HIP1R: variants seen among roughly 807,000 people sequenced by gnomAD.
HIP1R encodes huntingtin-interacting protein 1-related protein.
Under a neutral mutation model 144.2 loss-of-function variants are expected in HIP1R, and 135 were observed. The ratio of observed to expected loss-of-function variants is 0.94; its 90% CI spans 0.81 to 1.08. The LOEUF (loss-of-function observed/expected upper bound fraction) is 1.08. Among genes scored for constraint, HIP1R ranks in the 50% least tolerant of loss-of-function variants. The probability of loss-of-function intolerance (pLI) is 0.00; values close to 1 mark genes in which losing one functional copy is unlikely to be tolerated. For missense variants in HIP1R, 1,462 were observed against 1,432.8 expected, an observed-to-expected ratio of 1.02 and a Z score of -0.33; for synonymous variants, 698 against 612.8, an observed-to-expected ratio of 1.14 and a Z score of -2.05.
intron 7 of HIP1R, 61 bp downstream of exon 7, chr12:122,851,358 C>A: frequency 1.5e-6 from 2 of 1,373,284 alleles, no homozygotes; most frequent in Non-Finnish European, 9.7e-7. Context: ...AGAGATGGGA[C>A]GAGAAGAAAA....
Position 122,835,480 on chromosome 12 carries a change from C to T in HIP1R, c.-71C>T. 3.3e-6 allele frequency: 4 copies of T among 1,207,028 alleles called. No homozygotes were observed. The highest frequency in any genetic ancestry group is 3.1e-6 in the Non-Finnish European group (3 of 968,546). The allele number at this position is 1,207,028 out of a possible 1,614,324, so 74.8% of individuals were successfully genotyped here. On this transcript the variant is annotated 5_prime_UTR_variant, in exon 1 of 32. Transcript: ENST00000253083. ...GCGCGGTGGCCTCGCGGTGCCTAGG[C>T]TGGGGCTGCCGGACCGTGAGGCTGT...
At position 122,856,694 on chromosome 12, in the gene HIP1R, C is replaced by A; in HGVS notation, c.1588C>A (p.Arg530Ser). Residue 530 changes from arginine (R) to serine (S), a missense_variant, in exon 17 of 32, where the codon CGC (arginine) becomes AGC (serine). Coordinates refer to ENST00000253083, the MANE Select transcript of HIP1R (RefSeq NM_003959.3). ...GGAGGCCAAGGCCGGAGAGCTGGCC[C>A]GCGCGCAGGAGGCCCTGAGCCACAC... Reference protein sequence around the residue: ...ELEAKAGELARAQEALSHTEQ... With the variant: ...ELEAKAGELASAQEALSHTEQ... The A allele has an allele frequency of 1.9e-6, 3 of 1,591,420 alleles. No individual in the cohort carries two copies.
chr12:122,855,807 G>GT lies in HIP1R; in HGVS notation c.1056-24_1056-23insT, dbSNP rs542786377. 613 of 1,551,952 alleles carry GT rather than the reference G, an allele frequency of 3.9e-4. 4 individuals are homozygous for GT. The African/African-American group carries it at 7.8e-3, about 20-fold the overall frequency. On this transcript the variant is annotated intron_variant, in intron 12 of 31. Coordinates refer to ENST00000253083, the MANE Select transcript of HIP1R (RefSeq NM_003959.3). ...TTGACTGTTCTGGTTGACTTAACTT[G>GT]AACCCCAGGACCTCTGTCCCCAGGG...
At chr12:122,835,081 T>A, upstream of HIP1R, 15 of 993,350 alleles carry the variant, frequency 1.5e-5, no homozygotes, top group Non-Finnish European at 2.1e-5. Flanking sequence ...AGGGAGGGGT[T>A]CCCCCTCCCC....
rs778993669 is a variant in HIP1R at position 122,835,601 on chromosome 12, C to CCA, written c.54_55dup (p.Ser19ThrfsTer29). The CCA allele has an allele frequency of 6.0e-6, 8 of 1,337,654 alleles. No homozygotes were observed. The South Asian group carries it at 1.0e-4, about 17-fold the overall frequency. The allele number at this position is 1,337,654 out of a possible 1,614,324, so 82.9% of individuals were successfully genotyped here. ...CGCGGGTGCTGAGCCGCAGGCCGGG[C>CCA]CACAGCCTGGAGGCCGAGCGCGAGC... On this transcript the variant is annotated frameshift_variant, in exon 1 of 32. Transcript: ENST00000253083. LOFTEE classifies it high-confidence loss of function.
At chr12:122,845,767 G>A (rs1016552204) in intron 1 of HIP1R, among the ~76,000 whole-genome samples, 3 of 152,244 alleles carry the variant, frequency 2.0e-5, no homozygotes, top group African/African-American at 7.2e-5. Flanking sequence ...GCTGCAGGAG[G>A]GTGTGAGGGT....
chr12:122,838,611 AAGAG>A (rs1192162722), intron 1 of HIP1R, among the ~76,000 whole-genome samples: 3 of 152,200 alleles, frequency 2.0e-5, no homozygotes, highest in Non-Finnish European at 4.4e-5. Flanking sequence ...TGTAAGGTGT[AAGAG>A]AGAGACCGTG....
chr12:122,859,531 A>G lies in HIP1R; in HGVS notation c.2401A>G (p.Ile801Val). Residue 801 changes from isoleucine to valine, a missense_variant, in exon 23 of 32, where the codon ATT (isoleucine) becomes GTT (valine). Physicochemically the swap from Ile to Val is conservative, Grantham distance 29 (BLOSUM62 3). Coordinates refer to ENST00000253083, the MANE Select transcript of HIP1R (RefSeq NM_003959.3). Reference sequence around the variant, plus strand: ...AGCCATTGAAGATGCTGTGCGGAGGATTGAGGTGAGCACGGGATCTGGGGA... The same window carrying G: ...AGCCATTGAAGATGCTGTGCGGAGGGTTGAGGTGAGCACGGGATCTGGGGA... ...SAAIEDAVRRIEDMMNQARHA... is the reference protein window; with the variant it reads ...SAAIEDAVRRVEDMMNQARHA... The G allele has an allele frequency of 6.2e-7, 1 of 1,611,074 alleles. No individual in the cohort carries two copies. Among genetic ancestry groups the G allele is most frequent in the Non-Finnish European group, 8.5e-7 (1 of 1,177,874 alleles).
intron 24 of HIP1R, 37 bp downstream of exon 24, chr12:122,859,867 G>C: frequency 6.3e-7 from 1 of 1,595,316 alleles, no homozygotes; most frequent in South Asian, 1.1e-5. Context: ...CCCAGCCGAG[G>C]TGGGCTCCCC....
chr12:122,858,375 G>T lies in HIP1R; in HGVS notation c.1990G>T (p.Ala664Ser). The change falls in exon 20 of 32, where the codon GCC (alanine) becomes TCC (serine). Residue 664 changes from alanine to serine, a missense_variant. Coordinates refer to ENST00000253083, the MANE Select transcript of HIP1R (RefSeq NM_003959.3). ...PDYLVSRAQE[A>S]LDAVSTLEEG... ...CTACCTGGTGAGCAGGGCCCAGGAG[G>T]CCTTGGATGCCGTGAGCACCCTGGA... 4.3e-6 allele frequency: 7 copies of T among 1,610,676 alleles called. No homozygotes were observed. The highest frequency in any genetic ancestry group is 5.9e-6 in the Non-Finnish European group (7 of 1,178,352).
In HIP1R at chr12:122,854,175, TAC is replaced by T; in HGVS notation, c.713_714del (p.His238LeufsTer50). The T allele has an allele frequency of 6.2e-7, 1 of 1,613,614 alleles. No homozygotes were observed. Among genetic ancestry groups the T allele is most frequent in the Non-Finnish European group, 8.5e-7 (1 of 1,179,828 alleles). The stretch of plus-strand genomic sequence containing the variant: ...TACACGGTCAAGCTCCTGTTCAAGC[TAC>T]ACTCTTGTGAGTGGCCCAGGGCAAC... On this transcript the variant is annotated frameshift_variant, in exon 8 of 32. Coordinates refer to ENST00000253083, the MANE Select transcript of HIP1R (RefSeq NM_003959.3). LOFTEE classifies it high-confidence loss of function.
chr12:122,854,375 G>C (rs1445686431), intron 8 of HIP1R, among the ~76,000 whole-genome samples, 192 bp downstream of exon 8: 1 of 145,048 alleles, frequency 6.9e-6, no homozygotes, highest in East Asian at 2.0e-4. Flanking sequence ...ACTTTACCAA[G>C]CAAAAAACTT....
rs1477307574 is a variant in HIP1R, at chr12:122,862,847, T to C, written c.*1094T>C. On this transcript the variant is annotated 3_prime_UTR_variant, in exon 32 of 32. Transcript: ENST00000253083. ...GTGCTCTGGAAAGGCTACCAAATAC[T>C]GGCCAAGGTCAGGAGGAGCAAAAAT... is the stretch of plus-strand genomic sequence containing the variant. 1 of 152,098 alleles carries C rather than the reference T, an allele frequency of 6.6e-6. No individual in the cohort carries two copies. The highest frequency in any genetic ancestry group is 1.5e-5 in the Non-Finnish European group (1 of 68,000). 9.4% of individuals were successfully genotyped at this position (152,098 alleles called of 1,614,324 possible). A position where few individuals can be genotyped will look rare whatever the true frequency, so the allele number is the denominator to read the frequency against.
Position 122,858,427 on chromosome 12 carries a change from C to T in HIP1R, c.2042C>T (p.Ser681Phe), listed in dbSNP as rs758730901. Reference protein sequence around the residue: ...LEEGHAQYLTSLADASALVAA... With the variant: ...LEEGHAQYLTFLADASALVAA... Reference sequence around the variant, plus strand: ...GAGGGCCACGCCCAGTACCTGACCTCCTTGGCAGGTGAGTGTAGCCAGGGC... The same window carrying T: ...GAGGGCCACGCCCAGTACCTGACCTTCTTGGCAGGTGAGTGTAGCCAGGGC... The change falls in exon 20 of 32, where the codon TCC (serine) becomes TTC (phenylalanine). Residue 681 changes from serine to phenylalanine, a missense_variant. This residue lies in a region of HIP1R where 1,112 missense variants were observed against 1,011.7 expected (regional missense o/e 1.10). Coordinates refer to ENST00000253083, the MANE Select transcript of HIP1R (RefSeq NM_003959.3). The T allele has an allele frequency of 6.2e-7, 1 of 1,605,412 alleles. No homozygotes were observed. The highest frequency in any genetic ancestry group is 8.5e-7 in the Non-Finnish European group (1 of 1,174,816).
intron 18 of HIP1R, 165 bp downstream of exon 18, chr12:122,857,380 TCAC>T: frequency 2.9e-6 from 2 of 689,836 alleles, no homozygotes; most frequent in Non-Finnish European, 5.1e-6. Flanking sequence ...TTGTCAAGGG[TCAC>T]CACATCATAG....
intron 6 of HIP1R, 75 bp downstream of exon 6, chr12:122,850,986 G>T: frequency 1.5e-6 from 2 of 1,329,800 alleles, no homozygotes; most frequent in Non-Finnish European, 2.1e-6. Flanking sequence ...CTCACGCCCA[G>T]GCGTCCGCAT....
In HIP1R at chr12:122,856,111, G is replaced by A. The variant is rs2033565959; in HGVS notation, c.1260G>A (p.Arg420=). 3 of 1,588,404 alleles carry A rather than the reference G, an allele frequency of 1.9e-6. No individual in the cohort carries two copies. The highest frequency in any genetic ancestry group is 2.6e-6 in the Non-Finnish European group (3 of 1,168,024). Residue 420 remains arginine, a synonymous_variant, in exon 14 of 32, where the codon AGG becomes AGA. Transcript: ENST00000253083. Reference sequence around the variant, plus strand: ...TCCGCCACGAGCTGGCCCAGCTGAGGGCTGCCCAGCTGGAGGGCGAGCGGA... The same window carrying A: ...TCCGCCACGAGCTGGCCCAGCTGAGAGCTGCCCAGCTGGAGGGCGAGCGGA... The part of the protein sequence containing the change: ...EQLRHELAQL[R]AAQLEGERSQ...
rs536360023 is a variant in HIP1R, at chr12:122,856,064, G to A, written c.1213G>A (p.Ala405Thr). 6.3e-7 allele frequency: 1 copy of A among 1,591,734 alleles called. No homozygotes were observed. Residue 405 changes from alanine to threonine, a missense_variant, in exon 14 of 32, where the codon GCC (alanine) becomes ACC (threonine). Physicochemically the swap from Ala to Thr is moderately conservative, Grantham distance 58 (BLOSUM62 0). Transcript: ENST00000253083. The stretch of plus-strand genomic sequence containing the variant: ...GGAGCAGCGGAAGCAGAAGCAGAAG[G>A]CCCTGGTGGATAATGAGCAGCTCCG... Reference protein sequence around the residue: ...LEEQRKQKQKALVDNEQLRHE... With the variant: ...LEEQRKQKQKTLVDNEQLRHE...
rs368388843 is a variant in HIP1R, at chr12:122,835,529, A to C, written c.-22A>C. ...GTGAGTCGCGCGGACGGAGCCGGAC[A>C]AAAGCGGGCGGCGGCGGCAGGATGA... On this transcript the variant is annotated 5_prime_UTR_variant, in exon 1 of 32. Coordinates refer to ENST00000253083, the MANE Select transcript of HIP1R (RefSeq NM_003959.3). The C allele has an allele frequency of 9.6e-4, 1,271 of 1,330,298 alleles. 13 individuals carry two copies. The African/African-American group carries it at 0.018, about 18-fold the overall frequency. The allele number at this position is 1,330,298 out of a possible 1,614,324, so 82.4% of individuals were successfully genotyped here.
Sources: allele counts gnomAD v4.1 joint callset (sites outside exome capture counted in the v4.1 genomes callset), GRCh38; gene constraint gnomAD v4.1.1; regional missense constraint gnomAD v4.1.1; transcripts MANE v1.5; gene names NCBI Gene and HGNC (gene_info 2026-07-23, HGNC 2026-07-21).